The following FBXO42 variants were observed in gnomAD, a reference collection of about 807,000 sequenced individuals.
The protein encoded by FBXO42 is F-box only protein 42.
FBXO42 carries 12 observed loss-of-function variants against 71.7 expected under a neutral mutation model. The ratio of observed to expected loss-of-function variants is 0.17; its 90% CI spans 0.11 to 0.27. The LOEUF (loss-of-function observed/expected upper bound fraction) is 0.27. FBXO42 is among the 10% of genes least tolerant of loss of function. FBXO42 has a pLI of 1.00. For missense variants in FBXO42, 707 were observed against 911.9 expected (o/e 0.78, Z 2.89); for synonymous variants, 325 against 327.5 (o/e 0.99, Z 0.08).
At position 16,314,305 on chromosome 1, in the gene FBXO42, TA is replaced by T. The variant is rs550403546; in HGVS notation, c.250+863del. 3.1e-4 allele frequency among the ~76,000 whole-genome samples: 47 copies of T among 152,276 alleles called. No homozygotes were observed. In the East Asian group the frequency reaches 7.7e-3, roughly 25 times the overall value. ...ATATAGGGTCTTTGCTGTTTAGAGA[TA>T]AAATCAAGTGACAAATGTTTTCAAG... is the stretch of plus-strand genomic sequence containing the variant. On this transcript the variant is annotated intron_variant, in intron 2 of 9. Coordinates refer to ENST00000375592, the MANE Select transcript of FBXO42 (RefSeq NM_018994.3).
intron 1 of FBXO42, among the ~76,000 whole-genome samples, chr1:16,321,904 C>T (rs1054403225): frequency 2.0e-5 from 3 of 151,596 alleles, no homozygotes; most frequent in East Asian, 1.9e-4. Flanking sequence ...CGTGGTGGCT[C>T]ACGCCTGTAA....
chr1:16,282,582 T>G (rs909271341), intron 4 of FBXO42, among the ~76,000 whole-genome samples: 2 of 151,398 alleles, frequency 1.3e-5, no homozygotes, highest in Non-Finnish European at 2.9e-5. Context: ...CAGTGGCTCA[T>G]GCCTAAAATC....
At chr1:16,301,100 T>C (rs1167420666) in intron 3 of FBXO42, among the ~76,000 whole-genome samples, 1 of 151,956 alleles carries the variant, frequency 6.6e-6, no homozygotes. Flanking sequence ...GGTTTCACGA[T>C]GTTGGCCAGG....
intron 1 of FBXO42, among the ~76,000 whole-genome samples, chr1:16,315,831 G>A (rs1161301314): frequency 6.6e-6 from 1 of 152,042 alleles, no homozygotes; most frequent in East Asian, 1.9e-4. Context: ...AACTAACTCT[G>A]GGTCTTGCAA....
chr1:16,341,673 A>G (rs1014112237), intron 1 of FBXO42, among the ~76,000 whole-genome samples: 1 of 147,080 alleles, frequency 6.8e-6, no homozygotes, highest in African/African-American at 2.5e-5. Context: ...ACTATTTGAT[A>G]TTCTTAAAAG....
chr1:16,265,277 G>A (rs904441628), intron 4 of FBXO42, among the ~76,000 whole-genome samples: 2 of 152,072 alleles, frequency 1.3e-5, no homozygotes, highest in Non-Finnish European at 2.9e-5. Context: ...TTTTAGTAAA[G>A]ATGGGGTTTC....
At position 16,250,873 on chromosome 1, in the gene FBXO42, T is replaced by C. The variant is rs759772081; in HGVS notation, c.1951A>G (p.Ile651Val). The C allele has an allele frequency of 1.9e-6, 3 of 1,614,182 alleles. No individual in the cohort carries two copies. The highest frequency in any genetic ancestry group is 1.1e-5 in the South Asian group (1 of 91,088). ...CKPMQMYVLD[I>V]KDTKEKGRVK... is the part of the protein sequence containing the mutation. The stretch of plus-strand genomic sequence containing the variant: ...CGCCCCTTCTCCTTGGTGTCTTTAA[T>C]GTCCAGCACGTACATCTGCATGGGC... Residue 651 changes from isoleucine to valine, a missense_variant, in exon 10 of 10, where the codon ATT (isoleucine) becomes GTT (valine). Physicochemically the swap from Ile to Val is conservative, Grantham distance 29. This residue lies in a region of FBXO42 where 482 missense variants were observed against 587.1 expected (regional missense o/e 0.82). Coordinates refer to ENST00000375592, the MANE Select transcript of FBXO42 (RefSeq NM_018994.3). The surrounding 1 kb of genome is among the most constrained non-coding windows in gnomAD (Gnocchi z 4.7).
intron 4 of FBXO42, among the ~76,000 whole-genome samples, chr1:16,267,079 A>T (rs1343773276): frequency 1.3e-5 from 2 of 152,220 alleles, no homozygotes; most frequent in African/African-American, 2.4e-5. Context: ...TCATGAGTAT[A>T]AAGTCTGTCT....
At chr1:16,331,026 C>T (rs150901365) in intron 1 of FBXO42, among the ~76,000 whole-genome samples, 3,968 of 151,752 alleles carry the variant, frequency 0.026, 169 homozygotes, top group African/African-American at 0.089. Flanking sequence ...GAGGCTGAGG[C>T]AGGAGAATCG....
intron 1 of FBXO42, among the ~76,000 whole-genome samples, chr1:16,317,783 G>A (rs750123310): frequency 6.6e-6 from 1 of 151,934 alleles, no homozygotes; most frequent in Non-Finnish European, 1.5e-5. Context: ...AACCGGGTGT[G>A]CTGGCACACA....
chr1:16,278,031 C>G (rs980481609), intron 4 of FBXO42, among the ~76,000 whole-genome samples: 16 of 149,402 alleles, frequency 1.1e-4, no homozygotes, highest in African/African-American at 4.0e-4. Flanking sequence ...GATGGAGTGA[C>G]ACCCTGTATC....
chr1:16,303,568 ATT>A (rs35346839), intron 3 of FBXO42, among the ~76,000 whole-genome samples: 33 of 141,290 alleles, frequency 2.3e-4, no homozygotes, highest in Admixed American at 2.9e-4. Context: ...CAAGAAGATA[ATT>A]TTTTTTTTTT....
At chr1:16,273,370 T>C (rs1289393497) in intron 4 of FBXO42, among the ~76,000 whole-genome samples, 3 of 152,172 alleles carry the variant, frequency 2.0e-5, no homozygotes, top group African/African-American at 7.2e-5. Context: ...CCCAAACTTC[T>C]GTAATACTTA....
intron 1 of FBXO42, among the ~76,000 whole-genome samples, chr1:16,351,929 TGAAAGA>T: frequency 6.6e-6 from 1 of 152,170 alleles, no homozygotes; most frequent in Middle Eastern, 3.4e-3. Context: ...GGAGGAGCGA[TGAAAGA>T]TTACCTGACA....
intron 4 of FBXO42, chr1:16,294,461 C>G: frequency 3.7e-6 from 1 of 267,472 alleles, no homozygotes; most frequent in Non-Finnish European, 7.3e-6. Flanking sequence ...TCTCACGACT[C>G]TGTGTTTCTG....
intron 1 of FBXO42, among the ~76,000 whole-genome samples, chr1:16,334,376 T>C (rs1336998581): frequency 7.6e-6 from 1 of 131,434 alleles, no homozygotes; most frequent in Non-Finnish European, 1.5e-5. Flanking sequence ...GAGCTTGCAG[T>C]GAGCGGAGAT....
At chr1:16,265,660 GA>G (rs529566021) in intron 4 of FBXO42, among the ~76,000 whole-genome samples, 4,909 of 114,686 alleles carry the variant, frequency 0.043, 239 homozygotes, top group African/African-American at 0.14. Context: ...AACTAAAAAA[GA>G]AAAAAAAAAA....
chr1:16,301,465 C>G (rs1346598153), intron 3 of FBXO42, among the ~76,000 whole-genome samples: 1 of 151,810 alleles, frequency 6.6e-6, no homozygotes, highest in Non-Finnish European at 1.5e-5. Flanking sequence ...GAGTTTGAGA[C>G]CAGACTGGGC....
chr1:16,265,218 C>T (rs1413534538), intron 4 of FBXO42, among the ~76,000 whole-genome samples: 6 of 152,094 alleles, frequency 3.9e-5, no homozygotes, highest in Non-Finnish European at 1.5e-5. Flanking sequence ...CTCAGCCTCC[C>T]GAGTAGCTGG....
Sources: gnomAD v4.1 joint callset for allele counts (sites outside exome capture counted in the v4.1 genomes callset) on GRCh38, gnomAD v4.1.1 for gene constraint, gnomAD v4.1.1 regional missense constraint, Gnocchi (gnomAD v3.1) non-coding constraint, MANE v1.5 for transcripts, NCBI Gene and HGNC (gene_info 2026-07-23, HGNC 2026-07-21) for gene names.